CNTNAP2: variants seen among roughly 807,000 people sequenced by gnomAD.
CNTNAP2 encodes the protein contactin-associated protein-like 2.
A neutral mutation model predicts 155.2 loss-of-function variants in CNTNAP2; 98 were observed. The observed-to-expected ratio is 0.63, with a 90% CI of 0.54 to 0.75. The LOEUF is 0.75. Ranked by LOEUF, CNTNAP2 falls within the 30% of genes least tolerant of loss-of-function variation. The pLI is 0.00. For synonymous variants in CNTNAP2, 651 were observed against 631.2 expected, an observed-to-expected ratio of 1.03 and a Z score of -0.47; for missense variants, 1,727 against 1,688.1, an observed-to-expected ratio of 1.02 and a Z score of -0.40.
intron 13 of CNTNAP2, among the ~76,000 whole-genome samples, chr7:147,768,136 T>C (rs950095142): frequency 6.6e-6 from 1 of 152,128 alleles, no homozygotes; most frequent in Non-Finnish European, 1.5e-5. Context: ...TATCAAAAGG[T>C]TTTTTATCTA....
chr7:146,978,730 C>G (rs370505703), intron 3 of CNTNAP2, among the ~76,000 whole-genome samples: 2 of 151,108 alleles, frequency 1.3e-5, no homozygotes, highest in African/African-American at 4.8e-5. Context: ...ATTTAACTCT[C>G]CTCTTGCTAC....
At chr7:146,265,549 C>T (rs1373621569) in intron 1 of CNTNAP2, among the ~76,000 whole-genome samples, 2 of 150,994 alleles carry the variant, frequency 1.3e-5, no homozygotes, top group African/African-American at 4.9e-5. Context: ...ACTTCTGCCT[C>T]CTGGGCTCAA....
intron 1 of CNTNAP2, among the ~76,000 whole-genome samples, chr7:146,447,629 G>A (rs1796420827): frequency 6.6e-6 from 1 of 151,920 alleles, no homozygotes; most frequent in Non-Finnish European, 1.5e-5. Context: ...GAATTGAGAA[G>A]CTTTCATGCT....
intron 13 of CNTNAP2, among the ~76,000 whole-genome samples, chr7:147,708,373 C>A (rs149728767): frequency 1.4e-4 from 21 of 152,250 alleles, no homozygotes; most frequent in African/African-American, 4.6e-4. Flanking sequence ...CCATGACATG[C>A]ATTGGCTGCA....
intron 13 of CNTNAP2, among the ~76,000 whole-genome samples, chr7:147,714,619 A>AT (rs1001265660): frequency 1.3e-5 from 2 of 152,028 alleles, no homozygotes; most frequent in Non-Finnish European, 2.9e-5. Flanking sequence ...AAGGAATTGG[A>AT]TTTTTTTATA....
chr7:146,207,579 T>C (rs1044796623), intron 1 of CNTNAP2, among the ~76,000 whole-genome samples: 1 of 151,662 alleles, frequency 6.6e-6, no homozygotes, highest in Non-Finnish European at 1.5e-5. Flanking sequence ...AACAATGTGT[T>C]AGACAACAGA....
At chr7:147,102,282 G>GAAAAAAAAAAA (rs555981471) in intron 4 of CNTNAP2, among the ~76,000 whole-genome samples, 2,782 of 110,364 alleles carry the variant, frequency 0.025, 165 homozygotes, top group African/African-American at 0.085. Context: ...TAGGCAAAAA[G>GAAAAAAAAAAA]AAAAAAAAAA....
chr7:147,186,014 T>A (rs1304193752), intron 8 of CNTNAP2, among the ~76,000 whole-genome samples: 1 of 152,210 alleles, frequency 6.6e-6, no homozygotes, highest in Non-Finnish European at 1.5e-5. Context: ...TCCATCAAAC[T>A]CTTTCCTTTA....
At chr7:147,083,896 G>T (rs1312489498) in intron 4 of CNTNAP2, among the ~76,000 whole-genome samples, 1 of 135,016 alleles carries the variant, frequency 7.4e-6, no homozygotes, top group African/African-American at 2.8e-5. Context: ...ACACATGTAT[G>T]TATATATTAT....
At chr7:148,354,415 G>C (rs1299136086) in intron 21 of CNTNAP2, among the ~76,000 whole-genome samples, 1 of 152,074 alleles carries the variant, frequency 6.6e-6, no homozygotes, top group Non-Finnish European at 1.5e-5. Context: ...ACACATTTCT[G>C]AAATGGCCCA....
chr7:146,658,514 C>T (rs1207309641), intron 1 of CNTNAP2, among the ~76,000 whole-genome samples: 2 of 151,868 alleles, frequency 1.3e-5, no homozygotes, highest in Non-Finnish European at 2.9e-5. Context: ...TCTGCATGGA[C>T]ATTTTAAAAA....
chr7:147,533,556 G>A (rs1293933043), intron 11 of CNTNAP2, among the ~76,000 whole-genome samples: 3 of 151,184 alleles, frequency 2.0e-5, no homozygotes, highest in Admixed American at 2.0e-4. Context: ...TCAAAATGCA[G>A]GTAACATTTT....
chr7:148,100,116 C>T (rs1019013962), intron 15 of CNTNAP2, among the ~76,000 whole-genome samples: 1 of 152,004 alleles, frequency 6.6e-6, no homozygotes, highest in African/African-American at 2.4e-5. Flanking sequence ...ATGATCCACT[C>T]GCCTCAGCCT....
At chr7:146,155,785 C>G (rs1358951301) in intron 1 of CNTNAP2, among the ~76,000 whole-genome samples, 1 of 151,736 alleles carries the variant, frequency 6.6e-6, no homozygotes, top group African/African-American at 2.4e-5. Flanking sequence ...CTACAACCTC[C>G]TCCTCCCAGG....
chr7:146,292,479 C>T (rs541117337), intron 1 of CNTNAP2, among the ~76,000 whole-genome samples: 2 of 152,210 alleles, frequency 1.3e-5, no homozygotes, highest in East Asian at 1.9e-4. Context: ...AACAAGAGAA[C>T]AAGTGTTGGT....
At chr7:147,425,496 A>G (rs1262708017) in intron 10 of CNTNAP2, among the ~76,000 whole-genome samples, 2 of 152,088 alleles carry the variant, frequency 1.3e-5, no homozygotes, top group African/African-American at 2.4e-5. Context: ...CAAAGTGCAG[A>G]GACAAAATAT....
intron 8 of CNTNAP2, among the ~76,000 whole-genome samples, chr7:147,232,439 A>G (rs1386546554): frequency 6.6e-6 from 1 of 152,250 alleles, no homozygotes; most frequent in Non-Finnish European, 1.5e-5. Context: ...CTTTCAAATT[A>G]TGTTACAAGA....
intron 10 of CNTNAP2, among the ~76,000 whole-genome samples, chr7:147,400,589 C>T (rs552463296): frequency 6.6e-6 from 1 of 152,230 alleles, no homozygotes; most frequent in South Asian, 2.1e-4. Flanking sequence ...GTCCTAAGAG[C>T]ACTCTTCACA....
At chr7:146,384,849 C>T (rs1172054270) in intron 1 of CNTNAP2, among the ~76,000 whole-genome samples, 1 of 152,078 alleles carries the variant, frequency 6.6e-6, no homozygotes, top group Non-Finnish European at 1.5e-5. Context: ...TTATTACTTC[C>T]CCTACCATAA....
Sources: gnomAD v4.1 joint callset for allele counts (sites outside exome capture counted in the v4.1 genomes callset) on GRCh38, gnomAD v4.1.1 for gene constraint, MANE v1.5 for transcripts, NCBI Gene and HGNC (gene_info 2026-07-23, HGNC 2026-07-21) for gene names.